Variants in SLC17A8 observed in about 807,000 individuals in gnomAD.
The protein encoded by SLC17A8 is solute carrier family 17 member 8.
Under a neutral mutation model 58.0 loss-of-function variants are expected in SLC17A8, and 31 were observed. That is an observed-to-expected ratio of 0.53 (90% CI 0.40 to 0.72). The LOEUF is 0.72. Ranked by LOEUF, SLC17A8 falls within the 30% of genes least tolerant of loss-of-function variation. SLC17A8 has a pLI of 0.00. For missense variants in SLC17A8, 655 were observed against 727.8 expected (o/e 0.90, Z 1.15); for synonymous variants, 228 against 249.0 (o/e 0.92, Z 0.79).
intron 1 of SLC17A8, among the ~76,000 whole-genome samples, chr12:100,372,081 T>A (rs1227811950): frequency 6.6e-6 from 1 of 152,190 alleles, no homozygotes; most frequent in African/African-American, 2.4e-5. Context: ...AAAGACAACA[T>A]GAGCTAAATG....
At chr12:100,374,485 G>A (rs1252631315) in intron 1 of SLC17A8, among the ~76,000 whole-genome samples, 19 of 152,192 alleles carry the variant, frequency 1.2e-4, no homozygotes, top group Admixed American at 9.8e-4. Flanking sequence ...GGTGGCCTAC[G>A]CCTGTAATCC....
At chr12:100,412,138 TTAACA>T (rs1479096866) in intron 9 of SLC17A8, among the ~76,000 whole-genome samples, 1 of 152,138 alleles carries the variant, frequency 6.6e-6, no homozygotes, top group Non-Finnish European at 1.5e-5. Flanking sequence ...CAACTAATAA[TTAACA>T]TCCCTCATCT....
intron 1 of SLC17A8, among the ~76,000 whole-genome samples, chr12:100,364,757 C>T (rs1051376153): frequency 6.6e-6 from 1 of 152,204 alleles, no homozygotes; most frequent in Non-Finnish European, 1.5e-5. Flanking sequence ...AGGTCATTCA[C>T]CACTGCCTAT....
intron 10 of SLC17A8, among the ~76,000 whole-genome samples, chr12:100,415,558 G>C (rs1952900466): frequency 6.6e-6 from 1 of 151,716 alleles, no homozygotes; most frequent in African/African-American, 2.4e-5. Context: ...TCAGCCTCCT[G>C]AGTAGCTGGG....
Position 100,380,736 on chromosome 12 carries a change from T to C in SLC17A8, c.137T>C (p.Ile46Thr), listed in dbSNP as rs1166427289. 1 of 1,614,088 alleles carries C rather than the reference T, an allele frequency of 6.2e-7. No individual in the cohort carries two copies. Among genetic ancestry groups the C allele is most frequent in the Non-Finnish European group, 8.5e-7 (1 of 1,180,002 alleles). The change falls in exon 2 of 12, where the codon ATT becomes ACT. Residue 46 changes from isoleucine (I) to threonine (T), a missense_variant. Physicochemically the swap from Ile to Thr is moderately conservative, Grantham distance 89. Transcript: ENST00000323346. ...IDGTTEEEDN[I>T]ELNEEGRPVQ... Reference sequence around the variant, plus strand: ...GGGACAACTGAGGAAGAAGATAACATTGAGCTGAATGAAGAAGGAAGGCCG... The same window carrying C: ...GGGACAACTGAGGAAGAAGATAACACTGAGCTGAATGAAGAAGGAAGGCCG...
At chr12:100,383,973 G>A (rs1480493024) in intron 2 of SLC17A8, among the ~76,000 whole-genome samples, 1 of 152,160 alleles carries the variant, frequency 6.6e-6, no homozygotes, top group South Asian at 2.1e-4. Context: ...CCAAAGTGCT[G>A]GGACAAGCAT....
intron 9 of SLC17A8, among the ~76,000 whole-genome samples, chr12:100,411,467 C>A (rs1257950368): frequency 6.6e-6 from 1 of 151,936 alleles, no homozygotes; most frequent in African/African-American, 2.4e-5. Context: ...GTGATAAGAG[C>A]AAGACTCTGT....
At chr12:100,396,740 C>T (rs1952757304) in intron 5 of SLC17A8, among the ~76,000 whole-genome samples, 1 of 151,828 alleles carries the variant, frequency 6.6e-6, no homozygotes, top group East Asian at 1.9e-4. Flanking sequence ...AGAGTGAGAC[C>T]TTGTATCTAA....
At chr12:100,386,498 C>T (rs975635101) in intron 2 of SLC17A8, among the ~76,000 whole-genome samples, 2 of 152,058 alleles carry the variant, frequency 1.3e-5, no homozygotes, top group Admixed American at 6.6e-5. Context: ...AACCATCATT[C>T]TACTCTTCAA....
At chr12:100,360,967 C>T (rs546312098) in intron 1 of SLC17A8, among the ~76,000 whole-genome samples, 1 of 152,322 alleles carries the variant, frequency 6.6e-6, no homozygotes, top group African/African-American at 2.4e-5. Context: ...TTAAATGAAA[C>T]TAGTCCCTGC....
Position 100,402,380 on chromosome 12 carries a change from G to A in SLC17A8, c.804G>A (p.Gln268=), listed in dbSNP as rs763880720. 1 of 1,613,978 alleles carries A rather than the reference G, an allele frequency of 6.2e-7. No individual in the cohort carries two copies. The highest frequency in any genetic ancestry group is 1.3e-5 in the African/African-American group (1 of 74,906). Residue 268 remains glutamine (Q), a synonymous_variant, in exon 7 of 12, where the codon CAG becomes CAA. Coordinates refer to ENST00000323346, the MANE Select transcript of SLC17A8 (RefSeq NM_139319.3). ...GIIWYMFWLL[Q]AYECPAAHPT... ...TTTGGTACATGTTTTGGCTGTTGCAGGCCTATGAGTGCCCAGCAGCTCATC... is the reference window on the plus strand; with the variant it reads ...TTTGGTACATGTTTTGGCTGTTGCAAGCCTATGAGTGCCCAGCAGCTCATC...
Position 100,416,256 on chromosome 12 carries a change from C to T in SLC17A8, c.1298-1773C>T, listed in dbSNP as rs571146959. 2.3e-3 allele frequency among the ~76,000 whole-genome samples: 344 copies of T among 152,300 alleles called. 2 individuals are homozygous for T. The highest frequency in any genetic ancestry group is 7.8e-3 in the African/African-American group (323 of 41,566). On this transcript the variant is annotated intron_variant, in intron 10 of 11. Coordinates refer to ENST00000323346, the MANE Select transcript of SLC17A8 (RefSeq NM_139319.3). ...CATTATCTTTAGCTGAATGCAGATG[C>T]CCAGGCTTTGTATCAGAGCATAATA...
At chr12:100,368,545 G>A (rs909136873) in intron 1 of SLC17A8, among the ~76,000 whole-genome samples, 3 of 152,040 alleles carry the variant, frequency 2.0e-5, no homozygotes, top group African/African-American at 7.3e-5. Context: ...CCATATTGAT[G>A]AACTCTCCCT....
intron 5 of SLC17A8, among the ~76,000 whole-genome samples, 189 bp downstream of exon 5, chr12:100,396,606 C>T (rs944251298): frequency 1.3e-5 from 2 of 151,344 alleles, no homozygotes; most frequent in East Asian, 1.9e-4. Context: ...AAAAATTAGC[C>T]GAGCATGGAG....
chr12:100,396,271 T>C, intron 4 of SLC17A8, 59 bp from the exon 5 acceptor site: 1 of 1,360,308 alleles, frequency 7.4e-7, no homozygotes, highest in African/African-American at 1.4e-5. Context: ...CATCCATATT[T>C]TAAACACAAG....
At chr12:100,370,950 A>G (rs924638901) in intron 1 of SLC17A8, among the ~76,000 whole-genome samples, 1 of 106,096 alleles carries the variant, frequency 9.4e-6, no homozygotes, top group African/African-American at 4.9e-5. Context: ...ATCTACTGGA[A>G]GAGGCAAATA....
Position 100,402,638 on chromosome 12 carries a change from G to T in SLC17A8, c.946G>T (p.Val316Phe), listed in dbSNP as rs1168341396. The T allele has an allele frequency of 3.1e-6, 5 of 1,614,066 alleles. No homozygotes were observed. The highest frequency in any genetic ancestry group is 4.2e-6 in the Non-Finnish European group (5 of 1,179,988). ...GAAAAGATTTTTCACATCTTTGCCGGTTTATGCAATCATTGTGGCAAATTT... is the reference window on the plus strand; with the variant it reads ...GAAAAGATTTTTCACATCTTTGCCGTTTTATGCAATCATTGTGGCAAATTT... ...PWKRFFTSLPVYAIIVANFCR... is the reference protein window; with the variant it reads ...PWKRFFTSLPFYAIIVANFCR... The change falls in exon 8 of 12, where the codon GTT (valine) becomes TTT (phenylalanine). Residue 316 changes from valine (V) to phenylalanine (F), a missense_variant. By Grantham distance (50) the Val-to-Phe change is conservative. Transcript: ENST00000323346.
rs1566388438 is a variant in SLC17A8, at chr12:100,373,576, A to AT, written c.102-7125_102-7124insT. Among the ~76,000 whole-genome samples the AT allele has an allele frequency of 2.6e-3, 306 of 117,236 alleles. 1 individual carries two copies. Among genetic ancestry groups the AT allele is most frequent in the African/African-American group, 1.0e-2 (290 of 29,126 alleles). 76.9% of individuals were successfully genotyped at this position (117,236 alleles called of 152,430 possible). A position where few individuals can be genotyped will look rare whatever the true frequency, so the allele number is the denominator to read the frequency against. On this transcript the variant is annotated intron_variant, in intron 1 of 11. Transcript: ENST00000323346. ...ATTCATATATGGACACAAATCAGTGACTTTTTTTTTTTTTTTTTTTTTTTC... is the reference window on the plus strand; with the variant it reads ...ATTCATATATGGACACAAATCAGTGATCTTTTTTTTTTTTTTTTTTTTTTTC...
At position 100,357,408 on chromosome 12, in the gene SLC17A8, T is replaced by C. The variant is rs764793737; in HGVS notation, c.17T>C (p.Phe6Ser). The change falls in exon 1 of 12, where the codon TTT becomes TCT. Residue 6 changes from phenylalanine to serine, a missense_variant. Physicochemically the swap from Phe to Ser is radical, Grantham distance 155. Coordinates refer to ENST00000323346, the MANE Select transcript of SLC17A8 (RefSeq NM_139319.3). Reference protein sequence around the residue: MPFKAFDTFKEKILKP... With the variant: MPFKASDTFKEKILKP... ...TCATTCAAAATGCCTTTTAAAGCAT[T>C]TGATACCTTCAAAGAAAAAATTCTG... 42 of 1,610,564 alleles carry C rather than the reference T, an allele frequency of 2.6e-5. No individual in the cohort carries two copies. Among genetic ancestry groups the C allele is most frequent in the Non-Finnish European group, 3.6e-5 (42 of 1,176,838 alleles).
Sources: allele counts gnomAD v4.1 joint callset (sites outside exome capture counted in the v4.1 genomes callset), GRCh38; gene constraint gnomAD v4.1.1; transcripts MANE v1.5; gene names NCBI Gene and HGNC (gene_info 2026-07-23, HGNC 2026-07-21).